The following FAM124A variants were observed in gnomAD, a reference collection of about 807,000 sequenced individuals.
The protein encoded by FAM124A is family with sequence similarity 124 member A, also known as protein FAM124A.
In FAM124A, 23 loss-of-function variants were observed where a neutral mutation model predicts 24.5. That is an observed-to-expected ratio of 0.94 (90% CI 0.68 to 1.33). The LOEUF (loss-of-function observed/expected upper bound fraction) is 1.33, where lower values mean the gene tolerates loss of function less well. FAM124A is among the 40% of genes most tolerant of loss of function. The probability of loss-of-function intolerance (pLI) is 0.00; values close to 1 mark genes in which losing one functional copy is unlikely to be tolerated. For synonymous variants in FAM124A, 287 were observed against 314.7 expected (o/e 0.91, Z 0.93); for missense variants, 623 against 722.8 (o/e 0.86, Z 1.58).
rs1459410020 is a variant in FAM124A, at chr13:51,281,201, C to G, written c.1586C>G (p.Pro529Arg). The G allele has an allele frequency of 6.2e-7, 1 of 1,609,736 alleles. No individual in the cohort carries two copies. Among genetic ancestry groups the G allele is most frequent in the Admixed American group, 1.7e-5 (1 of 59,864 alleles). ...AAGCAGACTGATGGAGACATGCCAC[C>G]ACCCCCAGGGTCGGCTGGCCCCGGG... ...KVKQTDGDMP[P>R]PPGSAGPGDN... Residue 529 changes from proline (P) to arginine (R), a missense_variant, in exon 4 of 4, where the codon CCA becomes CGA. Transcript: ENST00000322475.
intron 2 of FAM124A, among the ~76,000 whole-genome samples, chr13:51,244,642 C>G (rs752200390): frequency 2.1e-4 from 32 of 152,250 alleles, no homozygotes; most frequent in Admixed American, 1.2e-3. Flanking sequence ...TTGGCCAGTT[C>G]TGGGAGGAGG....
In FAM124A at chr13:51,262,330, T is replaced by A. The variant is rs191238061; in HGVS notation, c.834+10129T>A. ...TTTGATGTTTTCATACTTTTAATTA[T>A]AATTTTATTAGAAAGTAATAAAACC... On this transcript the variant is annotated intron_variant, in intron 3 of 3. Coordinates refer to ENST00000322475, the MANE Select transcript of FAM124A (RefSeq NM_001242312.2). Among the ~76,000 whole-genome samples, 4 of 146,806 alleles carry A rather than the reference T, an allele frequency of 2.7e-5. No homozygotes were observed. The East Asian group carries it at 8.1e-4, about 30-fold the overall frequency.
chr13:51,270,100 C>T (rs1012036418), intron 3 of FAM124A, among the ~76,000 whole-genome samples: 2 of 152,148 alleles, frequency 1.3e-5, no homozygotes, highest in Non-Finnish European at 2.9e-5. Flanking sequence ...TGGCCTGTCT[C>T]TCTGAAGGCC....
At chr13:51,269,562 A>G (rs1954820164) in intron 3 of FAM124A, among the ~76,000 whole-genome samples, 2 of 152,218 alleles carry the variant, frequency 1.3e-5, no homozygotes, top group African/African-American at 4.8e-5. Context: ...TACTTTAAAG[A>G]TTTTGTTTAT....
chr13:51,224,962 T>G (rs1954302213), intron 1 of FAM124A, among the ~76,000 whole-genome samples: 1 of 152,216 alleles, frequency 6.6e-6, no homozygotes, highest in Non-Finnish European at 1.5e-5. Context: ...CTTGCCTGTC[T>G]GCCAGGTGAA....
chr13:51,251,770 C>A lies in FAM124A; in HGVS notation c.403C>A (p.Gln135Lys). 6.3e-7 allele frequency: 1 copy of A among 1,587,948 alleles called. No homozygotes were observed. The highest frequency in any genetic ancestry group is 8.6e-7 in the Non-Finnish European group (1 of 1,168,150). ...GCCCTGGCGCCACCACCACACCGAG[C>A]AGGTGCACGGCCGGTTCCTGCCCTA... ...QPPWRHHHTE[Q>K]VHGRFLPYLP... Residue 135 changes from glutamine (Q) to lysine (K), a missense_variant, in exon 3 of 4, where the codon CAG (glutamine) becomes AAG (lysine). Physicochemically the swap from Gln to Lys is moderately conservative, Grantham distance 53. Transcript: ENST00000322475. This position sits in a 1 kb window ranked among gnomAD's most constrained non-coding sequence, Gnocchi z 5.3.
At chr13:51,239,160 C>T (rs1272815719) in intron 2 of FAM124A, among the ~76,000 whole-genome samples, 1 of 152,172 alleles carries the variant, frequency 6.6e-6, no homozygotes, top group Non-Finnish European at 1.5e-5. Flanking sequence ...TGAATAACTG[C>T]CACTACTCCT....
chr13:51,280,173 C>T (rs1221762602), intron 3 of FAM124A, among the ~76,000 whole-genome samples: 1 of 152,334 alleles, frequency 6.6e-6, no homozygotes, highest in Admixed American at 6.5e-5. Context: ...TTGTTGAGCG[C>T]AATGGGCATG....
intron 3 of FAM124A, among the ~76,000 whole-genome samples, chr13:51,278,467 A>G: frequency 6.6e-6 from 1 of 152,190 alleles, no homozygotes; most frequent in Non-Finnish European, 1.5e-5. Context: ...CACTGGACAG[A>G]GCCAGAGAAT....
chr13:51,222,513 G>A lies in FAM124A; in HGVS notation c.12G>A (p.Lys4=). The change falls in exon 1 of 4, where the codon AAG becomes AAA. Residue 4 remains lysine, a synonymous_variant. Coordinates refer to ENST00000322475, the MANE Select transcript of FAM124A (RefSeq NM_001242312.2). ...CCGGGACGTGCACCATGGACCCAAA[G>A]GCGGGCGGCGGCGGCGAGGAGGACG... MDP[K]AGGGGEEDDC... 8.2e-7 allele frequency: 1 copy of A among 1,225,370 alleles called. No individual in the cohort carries two copies. The highest frequency in any genetic ancestry group is 1.0e-6 in the Non-Finnish European group (1 of 985,114). The allele number at this position is 1,225,370 out of a possible 1,614,324, so 75.9% of individuals were successfully genotyped here. A position where few individuals can be genotyped will look rare whatever the true frequency, so the allele number is the denominator to read the frequency against.
In FAM124A at chr13:51,281,194, A is replaced by G. The variant is rs1429099053; in HGVS notation, c.1579A>G (p.Met527Val). Reference protein sequence around the residue: ...TPKVKQTDGDMPPPPGSAGPG... With the variant: ...TPKVKQTDGDVPPPPGSAGPG... ...CAAAGTCAAGCAGACTGATGGAGAC[A>G]TGCCACCACCCCCAGGGTCGGCTGG... is the stretch of plus-strand genomic sequence containing the variant. Residue 527 changes from methionine (M) to valine (V), a missense_variant, in exon 4 of 4, where the codon ATG becomes GTG. Transcript: ENST00000322475. The G allele has an allele frequency of 1.2e-6, 2 of 1,610,864 alleles. No homozygotes were observed. The highest frequency in any genetic ancestry group is 1.3e-5 in the African/African-American group (1 of 74,872).
At chr13:51,242,697 G>A (rs538108271) in intron 2 of FAM124A, among the ~76,000 whole-genome samples, 1 of 151,986 alleles carries the variant, frequency 6.6e-6, no homozygotes, top group Non-Finnish European at 1.5e-5. Context: ...TAAGATGGAT[G>A]TCCCATTTCC....
chr13:51,264,419 CTG>C (rs1396707055), intron 3 of FAM124A, among the ~76,000 whole-genome samples: 1 of 152,158 alleles, frequency 6.6e-6, no homozygotes, highest in Admixed American at 6.5e-5. Context: ...CCTCAGTGGC[CTG>C]TGCTTTGAGA....
chr13:51,241,125 A>G (rs752848150), intron 2 of FAM124A, among the ~76,000 whole-genome samples: 10 of 152,170 alleles, frequency 6.6e-5, no homozygotes, highest in Admixed American at 4.6e-4. Context: ...CTTCAAGACC[A>G]TTTCCTCTGT....
chr13:51,260,305 C>T (rs892273899), intron 3 of FAM124A, among the ~76,000 whole-genome samples: 2 of 152,136 alleles, frequency 1.3e-5, no homozygotes, highest in Admixed American at 6.5e-5. Context: ...GAGAGAGCCC[C>T]GCTTCTCCCA....
chr13:51,267,122 A>G (rs937018011), intron 3 of FAM124A, among the ~76,000 whole-genome samples: 2 of 152,198 alleles, frequency 1.3e-5, no homozygotes, highest in Non-Finnish European at 2.9e-5. Flanking sequence ...TCTGTTTCTC[A>G]AATCACTGTT....
chr13:51,245,281 C>T, intron 2 of FAM124A: 2 of 625,110 alleles, frequency 3.2e-6, no homozygotes, highest in South Asian at 2.0e-5. Context: ...GAAAATCTGG[C>T]CGCCCCCCAC....
chr13:51,240,603 CTA>C (rs1954480278), intron 2 of FAM124A, among the ~76,000 whole-genome samples: 1 of 152,168 alleles, frequency 6.6e-6, no homozygotes, highest in African/African-American at 2.4e-5. Flanking sequence ...AGAGGTCTCT[CTA>C]TGAGACAGTG....
chr13:51,233,449 C>T lies in FAM124A; in HGVS notation c.100+2070C>T, dbSNP rs1370955791. ...GCCAGACCTTGGTCACATGTTTAAC[C>T]CTAGTTACAAGGGAGTCTGAAAAAT... On this transcript the variant is annotated intron_variant, in intron 2 of 3. Coordinates refer to ENST00000322475, the MANE Select transcript of FAM124A (RefSeq NM_001242312.2). Among the ~76,000 whole-genome samples the T allele has an allele frequency of 2.0e-5, 3 of 152,142 alleles. No individual in the cohort carries two copies. The East Asian group carries it at 5.8e-4, about 29-fold the overall frequency.
Sources: allele counts gnomAD v4.1 joint callset (sites outside exome capture counted in the v4.1 genomes callset), GRCh38; gene constraint gnomAD v4.1.1; non-coding constraint Gnocchi (gnomAD v3.1); transcripts MANE v1.5; gene names NCBI Gene and HGNC (gene_info 2026-07-23, HGNC 2026-07-21).